MLPH: variants seen among roughly 807,000 people sequenced by gnomAD.
MLPH encodes the protein melanophilin.
MLPH carries 51 observed loss-of-function variants against 72.1 expected under a neutral mutation model. The ratio of observed to expected loss-of-function variants is 0.71; its 90% confidence interval spans 0.56 to 0.89. The LOEUF (loss-of-function observed/expected upper bound fraction) is 0.89, where lower values mean the gene tolerates loss of function less well. Ranked by LOEUF, MLPH falls within the 40% of genes least tolerant of loss-of-function variation. The pLI, the probability that MLPH is intolerant of heterozygous loss-of-function variation, is 0.00. For missense variants in MLPH, 743 were observed against 759.9 expected, an observed-to-expected ratio of 0.98 and a Z score of 0.26; for synonymous variants, 301 against 310.1, an observed-to-expected ratio of 0.97 and a Z score of 0.31.
chr2:237,530,065 G>C (rs1413977307), intron 8 of MLPH, among the ~76,000 whole-genome samples: 2 of 152,356 alleles, frequency 1.3e-5, no homozygotes, highest in East Asian at 3.9e-4. Context: ...AGGGTCTAGG[G>C]CTTCTCCAGC....
intron 13 of MLPH, among the ~76,000 whole-genome samples, chr2:237,548,696 G>A (rs2080969534): frequency 6.6e-6 from 1 of 152,110 alleles, no homozygotes; most frequent in African/African-American, 2.4e-5. Flanking sequence ...GTGAAACCCT[G>A]TCTCTACTAA....
intron 1 of MLPH, among the ~76,000 whole-genome samples, chr2:237,493,163 T>C (rs1157170807): frequency 1.3e-5 from 2 of 152,056 alleles, no homozygotes; most frequent in Non-Finnish European, 2.9e-5. Context: ...CGTGGCTGAG[T>C]GTGTTTGGGA....
rs113254879 is a variant in MLPH, at chr2:237,542,605, C to G, written c.1485C>G (p.Ala495=). ...DIESRIAALR[A]AGLTVKPSGK... ...AATCCAGGATTGCAGCCCTGAGGGC[C>G]GCAGGGCTCACGGTGAAGCCCTCGG... Residue 495 remains alanine, a synonymous_variant, in exon 12 of 16, where the codon GCC becomes GCG. Transcript: ENST00000264605. 2 of 1,603,364 alleles carry G rather than the reference C, an allele frequency of 1.2e-6. No individual in the cohort carries two copies. Among genetic ancestry groups the G allele is most frequent in the African/African-American group, 2.7e-5 (2 of 74,732 alleles).
Position 237,553,442 on chromosome 2 carries a change from G to T in MLPH, c.1777-124G>T, listed in dbSNP as rs148069718. On this transcript the variant is annotated intron_variant, in intron 15 of 15. Coordinates refer to ENST00000264605, the MANE Select transcript of MLPH (RefSeq NM_024101.7). ...GTGCACAAACGTGTAATCTAAATTT[G>T]TGTCTACAGATGTGCACATCCATGT... 27 of 908,484 alleles carry T rather than the reference G, an allele frequency of 3.0e-5. No individual in the cohort carries two copies. In the African/African-American group the frequency reaches 4.1e-4, roughly 14 times the overall value. The allele number at this position is 908,484 out of a possible 1,614,324, so 56.3% of individuals were successfully genotyped here.
rs770332769 is a variant in MLPH, at chr2:237,542,668, G to C, written c.1539+9G>C. 3 of 1,558,508 alleles carry C rather than the reference G, an allele frequency of 1.9e-6. No individual in the cohort carries two copies. The highest frequency in any genetic ancestry group is 2.6e-6 in the Non-Finnish European group (3 of 1,151,364). On this transcript the variant is annotated intron_variant, in intron 12 of 15. Coordinates refer to ENST00000264605, the MANE Select transcript of MLPH (RefSeq NM_024101.7). ...GGAAGTCAAACCTCCCGGTGAGTGG[G>C]GGGCAGTGGTGAGTGGAGACAGTGC...
chr2:237,525,886 C>A, intron 7 of MLPH, 81 bp downstream of exon 7: 1 of 1,355,930 alleles, frequency 7.4e-7, no homozygotes, highest in Non-Finnish European at 1.0e-6. Flanking sequence ...ACCACCCTGA[C>A]CTATCCAACA....
At chr2:237,533,164 A>T (rs2080457246) in intron 8 of MLPH, among the ~76,000 whole-genome samples, 1 of 152,194 alleles carries the variant, frequency 6.6e-6, no homozygotes, top group Admixed American at 6.5e-5. Flanking sequence ...TGCAAACTGG[A>T]GCAAGGCGCC....
At chr2:237,518,721 T>A in intron 5 of MLPH, 73 bp downstream of exon 5, 1 of 1,226,338 alleles carries the variant, frequency 8.2e-7, no homozygotes, top group Non-Finnish European at 1.2e-6. Flanking sequence ...AGGTTCTGAT[T>A]TCCTGAAAAC....
chr2:237,550,961 T>C (rs1311321051), intron 14 of MLPH, among the ~76,000 whole-genome samples: 1 of 152,152 alleles, frequency 6.6e-6, no homozygotes, highest in Non-Finnish European at 1.5e-5. Flanking sequence ...TCACCTCCAG[T>C]CCAAAGCCAG....
intron 6 of MLPH, among the ~76,000 whole-genome samples, chr2:237,521,828 G>C (rs60604278): frequency 0.17 from 21,366 of 126,020 alleles, 1,918 homozygotes; most frequent in African/African-American, 0.34. Context: ...TGAGACTGGG[G>C]TTGGGCCTTC....
In MLPH at chr2:237,525,596, CTT is replaced by C. The variant is rs1474617642; in HGVS notation, c.676-4_676-3del. The C allele has an allele frequency of 6.2e-7, 1 of 1,613,968 alleles. No individual in the cohort carries two copies. Among genetic ancestry groups the C allele is most frequent in the East Asian group, 2.2e-5 (1 of 44,892 alleles). Reference sequence around the variant, plus strand: ...CAGAGGAGGCTGACAGCCCCATGTGCTTAGTCCCTCACAGATGAGTCCTGCTC... The same window carrying C: ...CAGAGGAGGCTGACAGCCCCATGTGCAGTCCCTCACAGATGAGTCCTGCTC... On this transcript the variant is annotated splice_region_variant and splice_polypyrimidine_tract_variant and intron_variant, in intron 6 of 15. Coordinates refer to ENST00000264605, the MANE Select transcript of MLPH (RefSeq NM_024101.7).
Position 237,525,651 on chromosome 2 carries a change from G to A in MLPH, c.726G>A (p.Glu242=), listed in dbSNP as rs960842487. Reference sequence around the variant, plus strand: ...AGAAGGCAGCCCCTCACAAGGCTGAGGGCCTGGAGGAGGCTGATACTGGGG... The same window carrying A: ...AGAAGGCAGCCCCTCACAAGGCTGAAGGCCTGGAGGAGGCTGATACTGGGG... ...CSEKAAPHKA[E]GLEEADTGAS... is the part of the protein sequence containing the mutation. Residue 242 remains glutamate, a synonymous_variant, in exon 7 of 16, where the codon GAG becomes GAA. Coordinates refer to ENST00000264605, the MANE Select transcript of MLPH (RefSeq NM_024101.7). The A allele has an allele frequency of 6.2e-7, 1 of 1,614,166 alleles. No individual in the cohort carries two copies.
intron 10 of MLPH, 88 bp downstream of exon 10, chr2:237,540,621 GGAGGC>G: frequency 1.3e-6 from 2 of 1,529,736 alleles, no homozygotes; most frequent in Non-Finnish European, 1.8e-6. Context: ...CCCTCCCCAG[GGAGGC>G]AGCACCCACA....
intron 1 of MLPH, 81 bp from the exon 2 acceptor site, chr2:237,493,322 C>G (rs1228720843): frequency 2.2e-6 from 2 of 893,742 alleles, no homozygotes; most frequent in African/African-American, 3.3e-5. Context: ...CAGCAGCGTT[C>G]TGTGTTGTCT....
rs755535579 is a variant in MLPH, at chr2:237,540,512, T to C, written c.1269T>C (p.Pro423=). The stretch of plus-strand genomic sequence containing the variant: ...CCAACAGGGACAAATCAGTTGGGCC[T>C]CTCCCCCAGGCGGACCCGGAGGTAA... ...AEPNRDKSVG[P]LPQADPEVGT... is the part of the protein sequence containing the mutation. The change falls in exon 10 of 16, where the codon CCT becomes CCC. Residue 423 remains proline (P), a synonymous_variant. Transcript: ENST00000264605. 2.5e-6 allele frequency: 4 copies of C among 1,611,868 alleles called. No individual in the cohort carries two copies. The highest frequency in any genetic ancestry group is 1.1e-5 in the South Asian group (1 of 90,952).
At chr2:237,497,214 C>T (rs533085277) in intron 2 of MLPH, among the ~76,000 whole-genome samples, 8 of 152,330 alleles carry the variant, frequency 5.3e-5, no homozygotes, top group Admixed American at 2.6e-4. Context: ...GAAATGCTCT[C>T]TTACCTGCCA....
intron 4 of MLPH, among the ~76,000 whole-genome samples, chr2:237,515,188 GACATC>G (rs1274481639): frequency 6.6e-6 from 1 of 152,252 alleles, no homozygotes; most frequent in African/African-American, 2.4e-5. Flanking sequence ...AGCTGGTGTG[GACATC>G]ACGGAGGAGG....
chr2:237,530,003 G>T (rs1194940864), intron 8 of MLPH, among the ~76,000 whole-genome samples: 1 of 152,256 alleles, frequency 6.6e-6, no homozygotes, highest in East Asian at 1.9e-4. Context: ...GTGCACAGCT[G>T]GGGTTCTCAA....
intron 8 of MLPH, among the ~76,000 whole-genome samples, chr2:237,529,995 G>A (rs1029508654): frequency 6.6e-6 from 1 of 152,248 alleles, no homozygotes; most frequent in African/African-American, 2.4e-5. Context: ...CGCAGGTGGT[G>A]CACAGCTGGG....
Sources: gnomAD v4.1 joint callset for allele counts (sites outside exome capture counted in the v4.1 genomes callset) on GRCh38, gnomAD v4.1.1 for gene constraint, MANE v1.5 for transcripts, NCBI Gene and HGNC (gene_info 2026-07-23, HGNC 2026-07-21) for gene names.